The following F13A1 variants were observed in gnomAD, a reference collection of about 807,000 sequenced individuals.
F13A1 encodes the protein coagulation factor XIII A chain.
F13A1 carries 47 observed loss-of-function variants against 80.1 expected under a neutral mutation model. The ratio of observed to expected loss-of-function variants is 0.59; its 90% confidence interval spans 0.46 to 0.75. The LOEUF (loss-of-function observed/expected upper bound fraction) is 0.75, where lower values mean the gene tolerates loss of function less well. F13A1 is among the 30% of genes least tolerant of loss of function. The probability of loss-of-function intolerance (pLI) is 0.00; values close to 1 mark genes in which losing one functional copy is unlikely to be tolerated. For missense variants in F13A1, 817 were observed against 930.4 expected, an observed-to-expected ratio of 0.88 and a Z score of 1.59; for synonymous variants, 349 against 344.9, an observed-to-expected ratio of 1.01 and a Z score of -0.13.
At chr6:6,232,045 AAAC>A (rs1415366055) in intron 6 of F13A1, among the ~76,000 whole-genome samples, 4 of 152,156 alleles carry the variant, frequency 2.6e-5, no homozygotes. Context: ...AAAAACAAAA[AAAC>A]CAAAGTACAC....
intron 10 of F13A1, among the ~76,000 whole-genome samples, chr6:6,192,234 T>C (rs1345995997): frequency 6.6e-6 from 1 of 152,154 alleles, no homozygotes; most frequent in African/African-American, 2.4e-5. Context: ...GTAAGGGTGG[T>C]GGAACTCCAC....
In F13A1 at chr6:6,185,490, A is replaced by C. The variant is rs570974486; in HGVS notation, c.1306-3349T>G. Among the ~76,000 whole-genome samples the C allele has an allele frequency of 4.0e-5, 6 of 150,656 alleles. No homozygotes were observed. The South Asian group carries it at 1.1e-3, about 27-fold the overall frequency. On this transcript the variant is annotated intron_variant, in intron 10 of 14. Transcript: ENST00000264870. ...TGCGGTGTTTGGTTTTTGGTTCTTG[A>C]GATAGTTTACTGAGAATGATGATTT...
At chr6:6,278,119 C>G (rs181478439) in intron 3 of F13A1, among the ~76,000 whole-genome samples, 1 of 152,180 alleles carries the variant, frequency 6.6e-6, no homozygotes, top group Non-Finnish European at 1.5e-5. Context: ...GGATCTTTTT[C>G]GTCAACAGGT....
At chr6:6,261,386 C>G (rs1245853475) in intron 4 of F13A1, among the ~76,000 whole-genome samples, 1 of 152,202 alleles carries the variant, frequency 6.6e-6, no homozygotes, top group Non-Finnish European at 1.5e-5. Flanking sequence ...TCCCAAGTAG[C>G]TGGGACCGCA....
At chr6:6,154,380 A>G (rs1273633019) in intron 13 of F13A1, among the ~76,000 whole-genome samples, 1 of 152,192 alleles carries the variant, frequency 6.6e-6, no homozygotes, top group African/African-American at 2.4e-5. Flanking sequence ...AACAGTAATC[A>G]TGATCTAGAT....
intron 14 of F13A1, 28 bp downstream of exon 14, chr6:6,151,785 T>A: frequency 6.2e-7 from 1 of 1,613,898 alleles, no homozygotes; most frequent in Non-Finnish European, 8.5e-7. Context: ...CTGCACTGCC[T>A]GCCCGGTCTC....
intron 2 of F13A1, among the ~76,000 whole-genome samples, chr6:6,318,056 T>A (rs1758709951): frequency 6.6e-6 from 1 of 152,204 alleles, no homozygotes; most frequent in Non-Finnish European, 1.5e-5. Flanking sequence ...TCTCTATTAC[T>A]GTCAGAGTCT....
chr6:6,190,471 G>A lies in F13A1; in HGVS notation c.1305+5326C>T, dbSNP rs528898156. ...AGGACCCTCAGCTGCAGGTCTGTTG[G>A]AATACCCTGCTGTGTAAGGTGTCAG... On this transcript the variant is annotated intron_variant, in intron 10 of 14. Transcript: ENST00000264870. Among the ~76,000 whole-genome samples, 43 of 148,680 alleles carry A rather than the reference G, an allele frequency of 2.9e-4. 1 individual carries two copies. Among genetic ancestry groups the A allele is most frequent in the African/African-American group, 9.7e-4 (40 of 41,210 alleles).
intron 3 of F13A1, among the ~76,000 whole-genome samples, chr6:6,268,606 G>A (rs1371327070): frequency 2.0e-5 from 3 of 151,874 alleles, no homozygotes; most frequent in Non-Finnish European, 4.4e-5. Context: ...TTTAGTTTGG[G>A]AAATAAAAAG....
intron 10 of F13A1, among the ~76,000 whole-genome samples, chr6:6,184,813 C>A (rs1036068983): frequency 3.3e-5 from 5 of 152,148 alleles, no homozygotes. Context: ...ACAGCACTGT[C>A]CTTTGCGGAG....
Position 6,257,951 on chromosome 6 carries a change from C to T in F13A1, c.572-7022G>A, listed in dbSNP as rs3024363. On this transcript the variant is annotated intron_variant, in intron 4 of 14. Coordinates refer to ENST00000264870, the MANE Select transcript of F13A1 (RefSeq NM_000129.4). ...GGGAGCCTGTGCCCTTGTTGGTATGCTTTAATTTTTTTTCCCAGAGAAAGC... is the reference window on the plus strand; with the variant it reads ...GGGAGCCTGTGCCCTTGTTGGTATGTTTTAATTTTTTTTCCCAGAGAAAGC... Among the ~76,000 whole-genome samples the T allele has an allele frequency of 6.5e-3, 992 of 152,240 alleles. 8 individuals carry two copies. Among genetic ancestry groups the T allele is most frequent in the African/African-American group, 0.022 (909 of 41,554 alleles).
intron 8 of F13A1, among the ~76,000 whole-genome samples, chr6:6,217,454 C>A (rs2113049185): frequency 6.8e-6 from 1 of 146,346 alleles, no homozygotes; most frequent in South Asian, 2.1e-4. Flanking sequence ...CGCATATTCT[C>A]ACTCATAGGT....
At position 6,206,264 on chromosome 6, in the gene F13A1, T is replaced by C. The variant is rs140996901; in HGVS notation, c.1113-8938A>G. 1.9e-4 allele frequency: 59 copies of C among 317,546 alleles called. No individual in the cohort carries two copies. In the East Asian group the frequency reaches 4.9e-3, roughly 26 times the overall value. The allele number at this position is 317,546 out of a possible 1,614,324, so 19.7% of individuals were successfully genotyped here. On this transcript the variant is annotated intron_variant, in intron 8 of 14. Transcript: ENST00000264870. ...AGGTATTATTAATTACCAAAAGGAA[T>C]TACATTACATTCAGTATAGCCTAGG...
At chr6:6,151,079 C>T (rs4282441) in intron 14 of F13A1, among the ~76,000 whole-genome samples, 32,267 of 152,028 alleles carry the variant, frequency 0.21, 3,510 homozygotes, top group Middle Eastern at 0.28. Context: ...ACTGTTAGAG[C>T]TACCTGACCA....
At chr6:6,190,274 C>A (rs1033845713) in intron 10 of F13A1, among the ~76,000 whole-genome samples, 2 of 152,202 alleles carry the variant, frequency 1.3e-5, no homozygotes, top group African/African-American at 4.8e-5. Flanking sequence ...TGAGGAACTG[C>A]GTTCCTTTGG....
At position 6,174,563 on chromosome 6, in the gene F13A1, C is replaced by T; in HGVS notation, c.1747+17G>A. 6.2e-7 allele frequency: 1 copy of T among 1,614,024 alleles called. No individual in the cohort carries two copies. The highest frequency in any genetic ancestry group is 8.5e-7 in the Non-Finnish European group (1 of 1,179,992). On this transcript the variant is annotated intron_variant, in intron 12 of 14. Transcript: ENST00000264870. The stretch of plus-strand genomic sequence containing the variant: ...AGACAGCGAGTCTCAGAAAGAACCA[C>T]ACCATTGTTAGCTTACAGGACAAGG...
intron 6 of F13A1, among the ~76,000 whole-genome samples, chr6:6,233,205 GCAAAATTAAC>G (rs1757375000): frequency 6.6e-6 from 1 of 152,018 alleles, no homozygotes; most frequent in Non-Finnish European, 1.5e-5. Context: ...TAGATCATTA[GCAAAATTAAC>G]CAAAAAGAGA....
At chr6:6,278,146 T>C (rs1000497560) in intron 3 of F13A1, among the ~76,000 whole-genome samples, 2 of 152,246 alleles carry the variant, frequency 1.3e-5, no homozygotes, top group Non-Finnish European at 2.9e-5. Context: ...TTAAGCACCA[T>C]TTAAGTGCCA....
intron 2 of F13A1, among the ~76,000 whole-genome samples, chr6:6,311,719 TA>T (rs1758601405): frequency 2.4e-4 from 3 of 12,636 alleles, no homozygotes; most frequent in Non-Finnish European, 4.1e-4. Flanking sequence ...ACAAATAATA[TA>T]TTACAAATAT....
Sources: gnomAD v4.1 joint callset for allele counts (sites outside exome capture counted in the v4.1 genomes callset) on GRCh38, gnomAD v4.1.1 for gene constraint, MANE v1.5 for transcripts, NCBI Gene and HGNC (gene_info 2026-07-23, HGNC 2026-07-21) for gene names.